The following RPGRIP1L variants were observed in gnomAD, a reference collection of about 807,000 sequenced individuals.
RPGRIP1L encodes the protein protein fantom.
A neutral mutation model predicts 160.4 loss-of-function variants in RPGRIP1L; 131 were observed. The observed-to-expected ratio is 0.82, with a 90% CI of 0.71 to 0.94. The LOEUF is 0.94. Among genes scored for constraint, RPGRIP1L ranks in the 40% least tolerant of loss-of-function variants. RPGRIP1L has a pLI of 0.00. For synonymous variants in RPGRIP1L, 510 were observed against 515.8 expected, an observed-to-expected ratio of 0.99 and a Z score of 0.15; for missense variants, 1,522 against 1,535.8, an observed-to-expected ratio of 0.99 and a Z score of 0.15.
At position 53,612,432 on chromosome 16, in the gene RPGRIP1L, C is replaced by T. The variant is rs139955138; in HGVS notation, c.3617-1381G>A. 4.3e-3 allele frequency among the ~76,000 whole-genome samples: 652 copies of T among 150,070 alleles called. 3 individuals are homozygous for T. Among genetic ancestry groups the T allele is most frequent in the Non-Finnish European group, 6.0e-3 (407 of 67,756 alleles). On this transcript the variant is annotated intron_variant, in intron 24 of 26. Coordinates refer to ENST00000647211, the MANE Select transcript of RPGRIP1L (RefSeq NM_015272.5). Reference sequence around the variant, plus strand: ...TAACAGATCACTGGAAGATAGACTTCGTTTTTTAGAGGCTGCCAGTACACA... The same window carrying T: ...TAACAGATCACTGGAAGATAGACTTTGTTTTTTAGAGGCTGCCAGTACACA...
At position 53,692,050 on chromosome 16, in the gene RPGRIP1L, G is replaced by A. The variant is rs765320880; in HGVS notation, c.529+16C>T. 37 of 1,611,820 alleles carry A rather than the reference G, an allele frequency of 2.3e-5. No homozygotes were observed. The highest frequency in any genetic ancestry group is 2.9e-5 in the Non-Finnish European group (34 of 1,178,326). On this transcript the variant is annotated intron_variant, in intron 4 of 26. Coordinates refer to ENST00000647211, the MANE Select transcript of RPGRIP1L (RefSeq NM_015272.5). ...AATAAGACTTCAGTTTAGATTTAAC[G>A]TAAGCTTTGTTTTACCTTTCCTGGG...
rs771975767 is a variant in RPGRIP1L, at chr16:53,611,055, T to C, written c.3617-4A>G. 1.2e-6 allele frequency: 2 copies of C among 1,604,666 alleles called. No homozygotes were observed. Among genetic ancestry groups the C allele is most frequent in the Non-Finnish European group, 1.7e-6 (2 of 1,172,164 alleles). On this transcript the variant is annotated splice_region_variant and splice_polypyrimidine_tract_variant and intron_variant, in intron 24 of 26. Transcript: ENST00000647211. ...TTTTCTTTATCCACGTAGATCACTA[T>C]ACCAAAAGAAAAAAAAATGCCAAAA...
chr16:53,648,969 G>A lies in RPGRIP1L; in HGVS notation c.2299C>T (p.Gln767Ter), dbSNP rs1326042797. The change falls in exon 16 of 27, where the codon CAG becomes TAG. Residue 767 changes from glutamine (Q) to a stop codon, truncating the protein, a stop_gained. Coordinates refer to ENST00000647211, the MANE Select transcript of RPGRIP1L (RefSeq NM_015272.5). LOFTEE classifies it high-confidence loss of function. ...TSNFKGPEHM[Q>*]SLSQQAPKTA... is the part of the protein sequence containing the mutation. ...TTAAAGCCAAATGAGCTTACCGACTGCATATGCTCTGGCCCCTTAAAATTT... is the reference window on the plus strand; with the variant it reads ...TTAAAGCCAAATGAGCTTACCGACTACATATGCTCTGGCCCCTTAAAATTT... 1.2e-6 allele frequency: 2 copies of A among 1,613,536 alleles called. No individual in the cohort carries two copies. Among genetic ancestry groups the A allele is most frequent in the African/African-American group, 2.7e-5 (2 of 74,898 alleles).
At chr16:53,687,201 T>C (rs1007164220) in intron 5 of RPGRIP1L, among the ~76,000 whole-genome samples, 2 of 152,160 alleles carry the variant, frequency 1.3e-5, no homozygotes, top group Non-Finnish European at 2.9e-5. Flanking sequence ...TAAGCAACTA[T>C]CTTAAGTATG....
At chr16:53,637,982 A>G in intron 20 of RPGRIP1L, 128 bp from the exon 21 acceptor site, 1 of 891,464 alleles carries the variant, frequency 1.1e-6, no homozygotes, top group Non-Finnish European at 1.8e-6. Context: ...TGTAATATGT[A>G]TGAGACTCAG....
chr16:53,598,837 G>C lies in RPGRIP1L; in HGVS notation c.*3239C>G, dbSNP rs1963274199. 6.6e-6 allele frequency: 1 copy of C among 152,136 alleles called. No homozygotes were observed. Among genetic ancestry groups the C allele is most frequent in the African/African-American group, 2.4e-5 (1 of 41,428 alleles). 9.4% of individuals were successfully genotyped at this position (152,136 alleles called of 1,614,324 possible). A position where few individuals can be genotyped will look rare whatever the true frequency, so the allele number is the denominator to read the frequency against. On this transcript the variant is annotated 3_prime_UTR_variant, in exon 27 of 27. Transcript: ENST00000647211. ...ATCATCCTGATATTGTCAATCACTTGATAATTTTTATCCCAAAATCTCTCT... is the reference window on the plus strand; with the variant it reads ...ATCATCCTGATATTGTCAATCACTTCATAATTTTTATCCCAAAATCTCTCT...
At chr16:53,624,655 T>C (rs1964959035) in intron 22 of RPGRIP1L, among the ~76,000 whole-genome samples, 1 of 152,104 alleles carries the variant, frequency 6.6e-6, no homozygotes, top group South Asian at 2.1e-4. Context: ...TAAGACTATC[T>C]CAAGACAGGT....
At chr16:53,695,604 C>A (rs979160776) in intron 3 of RPGRIP1L, 1 of 577,144 alleles carries the variant, frequency 1.7e-6, no homozygotes, top group Non-Finnish European at 3.1e-6. Context: ...ATCATTTTTG[C>A]CAAGATTTTT....
intron 19 of RPGRIP1L, among the ~76,000 whole-genome samples, chr16:53,638,934 A>G (rs1341968986): frequency 1.3e-5 from 2 of 151,724 alleles, no homozygotes; most frequent in African/African-American, 4.8e-5. Context: ...TCCAAACAGT[A>G]TCTCTGAGTT....
At chr16:53,692,511 A>G in intron 3 of RPGRIP1L, 147 bp from the exon 4 acceptor site, 1 of 750,762 alleles carries the variant, frequency 1.3e-6, no homozygotes, top group Non-Finnish European at 2.2e-6. Context: ...CTGCCTGTGA[A>G]GAATCCTTTG....
chr16:53,645,726 A>T lies in RPGRIP1L; in HGVS notation c.2582T>A (p.Leu861Gln). Residue 861 changes from leucine (L) to glutamine (Q), a missense_variant, in exon 17 of 27, where the codon CTG (leucine) becomes CAG (glutamine). Leu to Gln is a moderately radical substitution (Grantham distance 113). Coordinates refer to ENST00000647211, the MANE Select transcript of RPGRIP1L (RefSeq NM_015272.5). ...ACTATCATCAAAAACATAAAAACTC[A>T]GAGACTCTGACTTAAGGTATCGATC... Reference protein sequence around the residue: ...DLDRYLKSESLSFYVFDDSDT... With the variant: ...DLDRYLKSESQSFYVFDDSDT... 6.2e-7 allele frequency: 1 copy of T among 1,614,132 alleles called. No homozygotes were observed. The highest frequency in any genetic ancestry group is 8.5e-7 in the Non-Finnish European group (1 of 1,180,000).
chr16:53,696,719 A>G (rs565522764), intron 2 of RPGRIP1L, among the ~76,000 whole-genome samples: 7 of 152,316 alleles, frequency 4.6e-5, no homozygotes, highest in African/African-American at 1.7e-4. Context: ...TTTCTGTGCT[A>G]TGAGTGTCTT....
intron 24 of RPGRIP1L, among the ~76,000 whole-genome samples, chr16:53,611,855 T>C (rs944562661): frequency 6.6e-6 from 1 of 152,232 alleles, no homozygotes; most frequent in Non-Finnish European, 1.5e-5. Flanking sequence ...TGAAGACATT[T>C]CTTTTTCATA....
At chr16:53,603,086 C>A (rs1477097) in intron 26 of RPGRIP1L, among the ~76,000 whole-genome samples, 58,159 of 151,948 alleles carry the variant, frequency 0.38, 12,938 homozygotes, top group African/African-American at 0.6. Context: ...AGTGATTCCC[C>A]CACTGTGGCC....
intron 14 of RPGRIP1L, among the ~76,000 whole-genome samples, chr16:53,654,795 A>G (rs1187844737): frequency 1.3e-5 from 2 of 152,230 alleles, no homozygotes; most frequent in African/African-American, 4.8e-5. Flanking sequence ...TGAAAATCCC[A>G]AACACTGTGA....
intron 23 of RPGRIP1L, among the ~76,000 whole-genome samples, chr16:53,619,610 A>T (rs1964588449): frequency 6.6e-6 from 1 of 152,188 alleles, no homozygotes; most frequent in South Asian, 2.1e-4. Flanking sequence ...GTACCTGAGA[A>T]AGTTTCAGTT....
At chr16:53,628,587 A>C (rs2151000177) in intron 22 of RPGRIP1L, 1 of 152,326 alleles carries the variant, frequency 6.6e-6, no homozygotes, top group African/African-American at 2.4e-5. Flanking sequence ...TTATTTTAAC[A>C]ACTGTTGATT....
rs1963397694 is a variant in RPGRIP1L at position 53,601,982 on chromosome 16, A to G, written c.*94T>C. ...GCTCCCAGCTTCCCATGAATTATAG[A>G]TTATATACACCAGAGTAATTACAAA... On this transcript the variant is annotated 3_prime_UTR_variant, in exon 27 of 27. Transcript: ENST00000647211. The G allele has an allele frequency of 2.1e-5, 16 of 775,444 alleles. No individual in the cohort carries two copies. Among genetic ancestry groups the G allele is most frequent in the South Asian group, 2.0e-4 (14 of 69,028 alleles). 48.0% of individuals were successfully genotyped at this position (775,444 alleles called of 1,614,324 possible). A position where few individuals can be genotyped will look rare whatever the true frequency, so the allele number is the denominator to read the frequency against.
Position 53,641,093 on chromosome 16 carries a change from T to C in RPGRIP1L, c.2898A>G (p.Gln966=), listed in dbSNP as rs1349302634. The change falls in exon 19 of 27, where the codon CAA becomes CAG. Residue 966 remains glutamine (Q), a synonymous_variant. Transcript: ENST00000647211. ...CCTTCTTATCTACAGGTGTTAAACG[T>C]TGTCTTGGTTTAGGTCTTGGTGCCT... ...LVLAPRPKPR[Q]RLTPVDKKVS... The C allele has an allele frequency of 1.2e-5, 19 of 1,613,790 alleles. No homozygotes were observed. In the Admixed American group the frequency reaches 3.0e-4, roughly 25 times the overall value.
Sources: gnomAD v4.1 joint callset for allele counts (sites outside exome capture counted in the v4.1 genomes callset) on GRCh38, gnomAD v4.1.1 for gene constraint, MANE v1.5 for transcripts, NCBI Gene and HGNC (gene_info 2026-07-23, HGNC 2026-07-21) for gene names.